The following FBXL7 variants were observed in gnomAD, a reference collection of about 807,000 sequenced individuals.
FBXL7 encodes F-box/LRR-repeat protein 7.
In FBXL7, 12 loss-of-function variants were observed where a neutral mutation model predicts 38.3. The ratio of observed to expected loss-of-function variants is 0.31; its 90% CI spans 0.20 to 0.51. FBXL7 has a LOEUF of 0.51. Among genes scored for constraint, FBXL7 ranks in the 20% least tolerant of loss-of-function variants. The pLI is 0.98. For missense variants in FBXL7, 567 were observed against 676.4 expected, an observed-to-expected ratio of 0.84 and a Z score of 1.79; for synonymous variants, 297 against 300.9, an observed-to-expected ratio of 0.99 and a Z score of 0.13.
intron 1 of FBXL7, among the ~76,000 whole-genome samples, chr5:15,556,535 T>G (rs1738244397): frequency 6.6e-6 from 1 of 152,170 alleles, no homozygotes; most frequent in Non-Finnish European, 1.5e-5. Context: ...CCAGTCAAGT[T>G]GACCATAGAA....
intron 2 of FBXL7, among the ~76,000 whole-genome samples, chr5:15,765,329 A>T (rs543963408): frequency 2.4e-4 from 36 of 152,252 alleles, no homozygotes; most frequent in African/African-American, 7.7e-4. Flanking sequence ...CCGAGGCCAT[A>T]CCAAGATTTA....
chr5:15,773,153 C>T (rs1202306929), intron 2 of FBXL7, among the ~76,000 whole-genome samples: 1 of 152,122 alleles, frequency 6.6e-6, no homozygotes, highest in Non-Finnish European at 1.5e-5. Flanking sequence ...CCTGCCTTGG[C>T]GTCCCCAAAT....
chr5:15,821,368 T>C (rs1738165218), intron 2 of FBXL7, among the ~76,000 whole-genome samples: 1 of 152,228 alleles, frequency 6.6e-6, no homozygotes. Context: ...ATAGAATTCC[T>C]GAGAGAGCCC....
intron 1 of FBXL7, among the ~76,000 whole-genome samples, chr5:15,524,600 T>G (rs897465308): frequency 1.3e-5 from 2 of 152,208 alleles, no homozygotes; most frequent in Non-Finnish European, 2.9e-5. Flanking sequence ...ACAGAGTTAG[T>G]TTTTTATTCA....
intron 1 of FBXL7, among the ~76,000 whole-genome samples, chr5:15,572,384 T>C (rs914649129): frequency 7.8e-6 from 1 of 127,924 alleles, no homozygotes; most frequent in African/African-American, 3.3e-5. Flanking sequence ...ATCTGGTTTC[T>C]GCTAAAAAAA....
intron 1 of FBXL7, among the ~76,000 whole-genome samples, chr5:15,595,696 A>C (rs1221270141): frequency 2.0e-5 from 3 of 152,184 alleles, no homozygotes; most frequent in African/African-American, 7.2e-5. Context: ...GCAGAGAGTT[A>C]AGCATCTTTC....
chr5:15,889,719 A>C (rs139856882), intron 2 of FBXL7, among the ~76,000 whole-genome samples: 1 of 152,204 alleles, frequency 6.6e-6, no homozygotes, highest in Non-Finnish European at 1.5e-5. Context: ...GGTGATTTCA[A>C]CATGCAGCCA....
chr5:15,769,788 G>T (rs1736681439), intron 2 of FBXL7, among the ~76,000 whole-genome samples: 1 of 151,258 alleles, frequency 6.6e-6, no homozygotes. Flanking sequence ...AAGATTTGTA[G>T]ATTTATTAAT....
chr5:15,514,292 TG>T (rs1472943740), intron 1 of FBXL7, among the ~76,000 whole-genome samples: 1 of 152,006 alleles, frequency 6.6e-6, no homozygotes, highest in African/African-American at 2.4e-5. Context: ...GTGTGTTCAC[TG>T]TAGTGTGTAG....
At chr5:15,722,000 A>T (rs1744207770) in intron 2 of FBXL7, among the ~76,000 whole-genome samples, 1 of 152,078 alleles carries the variant, frequency 6.6e-6, no homozygotes, top group African/African-American at 2.4e-5. Context: ...ACAGTCGGCT[A>T]ATTTTTCTAT....
intron 2 of FBXL7, among the ~76,000 whole-genome samples, chr5:15,763,170 A>G (rs1388641034): frequency 7.9e-5 from 12 of 152,198 alleles, no homozygotes; most frequent in Non-Finnish European, 5.9e-5. Flanking sequence ...AGATAATCCT[A>G]GGTGTAAATC....
intron 2 of FBXL7, among the ~76,000 whole-genome samples, chr5:15,702,628 C>G (rs993403877): frequency 6.6e-6 from 1 of 152,044 alleles, no homozygotes; most frequent in Non-Finnish European, 1.5e-5. Flanking sequence ...ATAAAATTAC[C>G]TGAAGTCTTC....
At chr5:15,662,535 T>C (rs537937627) in intron 2 of FBXL7, among the ~76,000 whole-genome samples, 4 of 152,328 alleles carry the variant, frequency 2.6e-5, no homozygotes, top group Non-Finnish European at 4.4e-5. Flanking sequence ...ATTTTTGCTA[T>C]TGTTGATATT....
intron 2 of FBXL7, among the ~76,000 whole-genome samples, chr5:15,836,421 G>C (rs1056243411): frequency 6.6e-6 from 1 of 152,188 alleles, no homozygotes; most frequent in Non-Finnish European, 1.5e-5. Flanking sequence ...CATGTTAAGA[G>C]AGATTGGGAA....
rs531732969 is a variant in FBXL7, at chr5:15,690,335, T to C, written c.127+74263T>C. Among the ~76,000 whole-genome samples the C allele has an allele frequency of 5.9e-5, 9 of 152,354 alleles. No individual in the cohort carries two copies. The South Asian group carries it at 1.9e-3, about 32-fold the overall frequency. On this transcript the variant is annotated intron_variant, in intron 2 of 3. Transcript: ENST00000504595. ...TGATTAGAATAAATATACATTGTTC[T>C]TCAAAATTCTCCAGTTAACACTATA...
chr5:15,522,513 G>A (rs1186644506), intron 1 of FBXL7, among the ~76,000 whole-genome samples: 1 of 152,170 alleles, frequency 6.6e-6, no homozygotes, highest in Non-Finnish European at 1.5e-5. Context: ...CTAATGTGAA[G>A]TTTTACAAAA....
intron 2 of FBXL7, among the ~76,000 whole-genome samples, chr5:15,923,194 A>G (rs1225167103): frequency 2.6e-5 from 4 of 152,208 alleles, no homozygotes; most frequent in Admixed American, 2.6e-4. Flanking sequence ...TACTCTCAGA[A>G]GAATCAGCAG....
chr5:15,553,965 A>G (rs2126426222), intron 1 of FBXL7, among the ~76,000 whole-genome samples: 1 of 152,244 alleles, frequency 6.6e-6, no homozygotes, highest in East Asian at 1.9e-4. Flanking sequence ...AATGGCCTTA[A>G]AGCCCAATTA....
intron 2 of FBXL7, among the ~76,000 whole-genome samples, chr5:15,888,276 G>A (rs962943846): frequency 6.6e-6 from 1 of 151,638 alleles, no homozygotes; most frequent in Non-Finnish European, 1.5e-5. Context: ...CACCTAGGCT[G>A]GAGTGCAGTG....
Sources: gnomAD v4.1 joint callset for allele counts (sites outside exome capture counted in the v4.1 genomes callset) on GRCh38, gnomAD v4.1.1 for gene constraint, MANE v1.5 for transcripts, NCBI Gene and HGNC (gene_info 2026-07-23, HGNC 2026-07-21) for gene names.